The following PCNP variants were observed in gnomAD, a reference collection of about 807,000 sequenced individuals.
The protein encoded by PCNP is PEST proteolytic signal containing nuclear protein, also known as PEST proteolytic signal-containing nuclear protein.
PCNP carries 6 observed loss-of-function variants against 21.8 expected under a neutral mutation model. The observed-to-expected ratio is 0.28, with a 90% CI of 0.15 to 0.54. The LOEUF (loss-of-function observed/expected upper bound fraction) is 0.54. PCNP is among the 20% of genes least tolerant of loss of function. The pLI, the probability that PCNP is intolerant of heterozygous loss-of-function variation, is 0.95. For synonymous variants in PCNP, 67 were observed against 73.2 expected (o/e 0.92, Z 0.43); for missense variants, 161 against 215.5 (o/e 0.75, Z 1.58).
At chr3:101,583,562 G>A (rs1367074079) in intron 2 of PCNP, among the ~76,000 whole-genome samples, 1 of 152,166 alleles carries the variant, frequency 6.6e-6, no homozygotes, top group Non-Finnish European at 1.5e-5. Flanking sequence ...GCTGCAGTGA[G>A]ACAAGATTGC....
At chr3:101,586,576 G>GAGAGAGAGAGAGAGTTTCTTGTTTC (rs1935534455) in intron 3 of PCNP, among the ~76,000 whole-genome samples, 6 of 149,978 alleles carry the variant, frequency 4.0e-5, no homozygotes, top group East Asian at 2.0e-4. Flanking sequence ...GTGTGTGAGA[G>GAGAGAGAGAGAGAGTTTCTTGTTTC]AGAGAGAGAG....
chr3:101,580,875 A>G (rs1038452545), intron 2 of PCNP, among the ~76,000 whole-genome samples: 7 of 152,208 alleles, frequency 4.6e-5, no homozygotes, highest in African/African-American at 1.7e-4. Context: ...GTGTATTGCT[A>G]TTGGCTTTGG....
At chr3:101,577,116 C>T (rs1457492902) in intron 1 of PCNP, among the ~76,000 whole-genome samples, 1 of 152,204 alleles carries the variant, frequency 6.6e-6, no homozygotes, top group Non-Finnish European at 1.5e-5. Context: ...TCAGCCACCG[C>T]GCCCGGCCAA....
intron 2 of PCNP, among the ~76,000 whole-genome samples, chr3:101,581,749 T>A (rs1935235207): frequency 6.6e-6 from 1 of 151,242 alleles, no homozygotes; most frequent in Non-Finnish European, 1.5e-5. Flanking sequence ...TTCTTTTTTT[T>A]ATTTTTTTGA....
rs534620685 is a variant in PCNP at position 101,584,314 on chromosome 3, T to A, written c.280-1123T>A. On this transcript the variant is annotated intron_variant, in intron 2 of 4. Transcript: ENST00000265260. Reference sequence around the variant, plus strand: ...GGTTGTCTGCTAATTTAAAAAAAAATTTTTTTAGAGATGGGGGACTTGCTG... The same window carrying A: ...GGTTGTCTGCTAATTTAAAAAAAAAATTTTTTAGAGATGGGGGACTTGCTG... Among the ~76,000 whole-genome samples, 533 of 152,064 alleles carry A rather than the reference T, an allele frequency of 3.5e-3. 4 individuals carry two copies. The highest frequency in any genetic ancestry group is 4.5e-3 in the Non-Finnish European group (306 of 67,946).
rs1312136964 is a variant in PCNP, at chr3:101,593,952, T to C, written c.*1199T>C. ...GTATTTTTGTATTGTATATGAACTT[T>C]TTTTAAATGTGACAGTTAAACACAT... On this transcript the variant is annotated 3_prime_UTR_variant, in exon 5 of 5. Transcript: ENST00000265260. The C allele has an allele frequency of 6.6e-6, 1 of 152,646 alleles. No individual in the cohort carries two copies. The highest frequency in any genetic ancestry group is 1.5e-5 in the Non-Finnish European group (1 of 68,044). The allele number at this position is 152,646 out of a possible 1,614,324, so 9.5% of individuals were successfully genotyped here.
rs1170398536 is a variant in PCNP at position 101,580,366 on chromosome 3, G to A, written c.279+362G>A. On this transcript the variant is annotated intron_variant, in intron 2 of 4. Coordinates refer to ENST00000265260, the MANE Select transcript of PCNP (RefSeq NM_020357.3). ...GGACCAGTTGAGCCCAGGAATTTCA[G>A]ACCAGTCTGGGCAACATAGCAAGAT... Among the ~76,000 whole-genome samples, 3 of 152,074 alleles carry A rather than the reference G, an allele frequency of 2.0e-5. No individual in the cohort carries two copies. The East Asian group carries it at 5.8e-4, about 29-fold the overall frequency.
intron 1 of PCNP, chr3:101,577,050 C>T (rs1308619777): frequency 7.0e-6 from 5 of 718,534 alleles, no homozygotes; most frequent in African/African-American, 1.7e-5. Flanking sequence ...TGGTCTCAAT[C>T]TCTTGACCTC....
chr3:101,574,663 A>C (rs542201959), intron 1 of PCNP, among the ~76,000 whole-genome samples: 1 of 152,198 alleles, frequency 6.6e-6, no homozygotes, highest in Non-Finnish European at 1.5e-5. Context: ...CTCATGAGAC[A>C]TAACATACAC....
rs1308818828 is a variant in PCNP, at chr3:101,576,421, TA to T, written c.64+2143del. On this transcript the variant is annotated intron_variant, in intron 1 of 4. Transcript: ENST00000265260. ...AGCTAATTTTTGTATTTTTATTTTTTATTTTTTTTATTTTTTATTTTTTTCA... is the reference window on the plus strand; with the variant it reads ...AGCTAATTTTTGTATTTTTATTTTTTTTTTTTTTATTTTTTATTTTTTTCA... 1.5e-5 allele frequency: 18 copies of T among 1,235,318 alleles called. No homozygotes were observed. In the South Asian group the frequency reaches 1.6e-4, roughly 11 times the overall value. 76.5% of individuals were successfully genotyped at this position (1,235,318 alleles called of 1,614,324 possible).
chr3:101,589,410 CT>C (rs35442732), intron 3 of PCNP, among the ~76,000 whole-genome samples: 4 of 146,072 alleles, frequency 2.7e-5, no homozygotes, highest in South Asian at 2.2e-4. Context: ...AATGAGCTCT[CT>C]TTTTTTTTTT....
chr3:101,589,373 A>G (rs1349176812), intron 3 of PCNP, among the ~76,000 whole-genome samples: 2 of 151,762 alleles, frequency 1.3e-5, no homozygotes, highest in Non-Finnish European at 2.9e-5. Flanking sequence ...ACAATTTTCA[A>G]CACCTATAAG....
At position 101,582,607 on chromosome 3, in the gene PCNP, A is replaced by T. The variant is rs541620763; in HGVS notation, c.279+2603A>T. ...ACAACATTAAATACATGACATCTTT[A>T]AAAAATTAAGGGTGTTTCTAGAGTT... On this transcript the variant is annotated intron_variant, in intron 2 of 4. Coordinates refer to ENST00000265260, the MANE Select transcript of PCNP (RefSeq NM_020357.3). Among the ~76,000 whole-genome samples, 3 of 152,374 alleles carry T rather than the reference A, an allele frequency of 2.0e-5. No homozygotes were observed. The East Asian group carries it at 5.8e-4, about 29-fold the overall frequency.
intron 1 of PCNP, among the ~76,000 whole-genome samples, chr3:101,579,223 G>A (rs980397501): frequency 6.6e-6 from 1 of 152,028 alleles, no homozygotes; most frequent in Non-Finnish European, 1.5e-5. Flanking sequence ...GAATGACCTT[G>A]AAGTTCCTTT....
chr3:101,577,433 TA>T (rs1934981001), intron 1 of PCNP, among the ~76,000 whole-genome samples: 1 of 152,210 alleles, frequency 6.6e-6, no homozygotes, highest in African/African-American at 2.4e-5. Flanking sequence ...ACTAGAGAGG[TA>T]GCTCTGCCCT....
rs753698868 is a variant in PCNP, at chr3:101,580,023, T to C, written c.279+19T>C. ...ATCAAGTGTGAGTTGTTATTTCATA[T>C]ATGATGTTTGTAATGGGTCTTAAGG... On this transcript the variant is annotated intron_variant, in intron 2 of 4. Coordinates refer to ENST00000265260, the MANE Select transcript of PCNP (RefSeq NM_020357.3). 18 of 1,572,552 alleles carry C rather than the reference T, an allele frequency of 1.1e-5. No individual in the cohort carries two copies. The highest frequency in any genetic ancestry group is 3.3e-4 in the Middle Eastern group (2 of 6,008).
chr3:101,582,820 A>G (rs1331041966), intron 2 of PCNP, among the ~76,000 whole-genome samples: 1 of 152,250 alleles, frequency 6.6e-6, no homozygotes, highest in Non-Finnish European at 1.5e-5. Context: ...ATGCAAAGGC[A>G]GTTAAGATGT....
chr3:101,591,606 C>T (rs986443657), intron 4 of PCNP, among the ~76,000 whole-genome samples: 1 of 152,116 alleles, frequency 6.6e-6, no homozygotes, highest in African/African-American at 2.4e-5. Context: ...AGCAGAAGTT[C>T]ATAAAATGAC....
intron 2 of PCNP, among the ~76,000 whole-genome samples, chr3:101,583,916 A>G (rs935837570): frequency 4.8e-5 from 7 of 145,050 alleles, no homozygotes; most frequent in African/African-American, 7.7e-5. Context: ...CACTTGCCTT[A>G]GCCTCCCAAA....
Sources: allele counts gnomAD v4.1 joint callset (sites outside exome capture counted in the v4.1 genomes callset), GRCh38; gene constraint gnomAD v4.1.1; transcripts MANE v1.5; gene names NCBI Gene and HGNC (gene_info 2026-07-23, HGNC 2026-07-21).